ARAP2: variants seen among roughly 807,000 people sequenced by gnomAD.
ARAP2 encodes arf-GAP with Rho-GAP domain, ANK repeat and PH domain-containing protein 2.
In ARAP2, 148 loss-of-function variants were observed where a neutral mutation model predicts 194.5. That is an observed-to-expected ratio of 0.76 (90% CI 0.67 to 0.87). ARAP2 has a LOEUF of 0.87. Ranked by LOEUF, ARAP2 falls within the 40% of genes least tolerant of loss-of-function variation. The pLI is 0.00. For missense variants in ARAP2, 2,128 were observed against 1,989.7 expected, an observed-to-expected ratio of 1.07 and a Z score of -1.32; for synonymous variants, 695 against 683.5, an observed-to-expected ratio of 1.02 and a Z score of -0.26.
At chr4:36,018,830 T>C (rs906570108) in intron 6 of ARAP2, among the ~76,000 whole-genome samples, 3 of 152,094 alleles carry the variant, frequency 2.0e-5, no homozygotes, top group African/African-American at 7.2e-5. Context: ...CTCTGGAAAA[T>C]AATTGGTAGG....
Position 36,114,241 on chromosome 4 carries a change from G to A in ARAP2, c.4085C>T (p.Ala1362Val), listed in dbSNP as rs775209531. The change falls in exon 26 of 33, where the codon GCG becomes GTG. Residue 1362 changes from alanine to valine, a missense_variant. By Grantham distance (64) the Ala-to-Val change is moderately conservative. Coordinates refer to ENST00000303965, the MANE Select transcript of ARAP2 (RefSeq NM_015230.4). Reference sequence around the variant, plus strand: ...TTTTGTAGGAATAATATTTTTTATCGCTAATATATCATTAGTTAATTCTTC... The same window carrying A: ...TTTTGTAGGAATAATATTTTTTATCACTAATATATCATTAGTTAATTCTTC... ...EAEELTNDILAIKNIIPTKGD... is the reference protein window; with the variant it reads ...EAEELTNDILVIKNIIPTKGD... 9.4e-6 allele frequency: 15 copies of A among 1,599,258 alleles called. No homozygotes were observed. The highest frequency in any genetic ancestry group is 2.2e-5 in the East Asian group (1 of 44,486).
chr4:36,028,560 T>C (rs1567481), intron 5 of ARAP2, among the ~76,000 whole-genome samples: 11,247 of 151,922 alleles, frequency 0.074, 572 homozygotes, highest in Middle Eastern at 0.19. Context: ...TGTAAATTTG[T>C]ACTTTTTCAT....
chr4:36,118,039 A>G (rs1014431089), intron 24 of ARAP2, among the ~76,000 whole-genome samples: 1 of 151,480 alleles, frequency 6.6e-6, no homozygotes, highest in Non-Finnish European at 1.5e-5. Flanking sequence ...AATTCACCTC[A>G]GCATAAAATC....
chr4:36,145,242 A>G (rs942005229), intron 19 of ARAP2, among the ~76,000 whole-genome samples: 1 of 152,016 alleles, frequency 6.6e-6, no homozygotes, highest in African/African-American at 2.4e-5. Flanking sequence ...TGTTTATCAC[A>G]GCACTATTCA....
downstream of ARAP2, chr4:36,065,343 A>G (rs1323485742): frequency 1.9e-6 from 1 of 514,918 alleles, no homozygotes; most frequent in Non-Finnish European, 4.0e-6. Context: ...GCTGTAGTGG[A>G]TCTCAAAGTA....
At chr4:36,206,419 C>G (rs1163581051) in intron 6 of ARAP2, among the ~76,000 whole-genome samples, 1 of 152,208 alleles carries the variant, frequency 6.6e-6, no homozygotes, top group African/African-American at 2.4e-5. Flanking sequence ...TAAAATAACT[C>G]CAACCTCCAC....
intron 1 of ARAP2, among the ~76,000 whole-genome samples, chr4:36,241,814 T>A (rs1332701373): frequency 1.3e-5 from 2 of 152,168 alleles, no homozygotes; most frequent in Non-Finnish European, 2.9e-5. Flanking sequence ...CATGGAGAAG[T>A]GGCCCCATCA....
chr4:36,113,768 AAAAT>A (rs150542978), intron 26 of ARAP2, among the ~76,000 whole-genome samples: 513 of 152,130 alleles, frequency 3.4e-3, no homozygotes, highest in Non-Finnish European at 4.9e-3. Context: ...AGAAAAAAGA[AAAAT>A]AAAAAATGAA....
rs1469040186 is a variant in ARAP2, at chr4:36,147,797, C to G, written c.3001-51G>C. On this transcript the variant is annotated intron_variant, in intron 17 of 32. Transcript: ENST00000303965. Reference sequence around the variant, plus strand: ...ATAAAGACAGTGAAAATAGGAAATCCCTTCCCTATCTACTGATATGAGAGA... The same window carrying G: ...ATAAAGACAGTGAAAATAGGAAATCGCTTCCCTATCTACTGATATGAGAGA... 5 of 1,398,352 alleles carry G rather than the reference C, an allele frequency of 3.6e-6. No homozygotes were observed. In the East Asian group the frequency reaches 1.2e-4, roughly 33 times the overall value. The allele number at this position is 1,398,352 out of a possible 1,614,324, so 86.6% of individuals were successfully genotyped here.
At chr4:36,049,648 G>A (rs997999563) in intron 3 of ARAP2, among the ~76,000 whole-genome samples, 2 of 152,086 alleles carry the variant, frequency 1.3e-5, no homozygotes, top group Non-Finnish European at 2.9e-5. Flanking sequence ...TCATAGATTG[G>A]TATTCATCTC....
Position 36,165,096 on chromosome 4 carries a change from T to C in ARAP2, c.1991A>G (p.Glu664Gly), listed in dbSNP as rs1460323251. ...TTCAATCCAGTCTTGTTTCTCCTTT[T>C]CAGTCTCGGCTGTAAAGCTGAAACA... ...YRSFSFTAET[E>G]KEKQDWIEAV... The change falls in exon 11 of 33, where the codon GAA (glutamate) becomes GGA (glycine). Residue 664 changes from glutamate to glycine, a missense_variant. Physicochemically the swap from Glu to Gly is moderately conservative, Grantham distance 98. Coordinates refer to ENST00000303965, the MANE Select transcript of ARAP2 (RefSeq NM_015230.4). 1.9e-6 allele frequency: 3 copies of C among 1,614,066 alleles called. No homozygotes were observed. Among genetic ancestry groups the C allele is most frequent in the Non-Finnish European group, 8.5e-7 (1 of 1,179,912 alleles).
chr4:36,244,156 T>C (rs572074967), intron 1 of ARAP2, 23 bp downstream of exon 1: 3 of 151,912 alleles, frequency 2.0e-5, no homozygotes, highest in African/African-American at 7.2e-5. Flanking sequence ...CGGCCCAGCC[T>C]TCCCGAGGCC....
intron 11 of ARAP2, among the ~76,000 whole-genome samples, chr4:36,161,834 C>T (rs1296358125): frequency 6.8e-6 from 1 of 147,384 alleles, no homozygotes; most frequent in Admixed American, 6.8e-5. Context: ...CACGGCCTGG[C>T]GCGGTGGCTC....
At position 36,107,765 on chromosome 4, in the gene ARAP2, T is replaced by C. The variant is rs1287679933; in HGVS notation, c.4157-72A>G. 4 of 1,439,192 alleles carry C rather than the reference T, an allele frequency of 2.8e-6. No individual in the cohort carries two copies. In the Admixed American group the frequency reaches 9.0e-5, roughly 32 times the overall value. The allele number at this position is 1,439,192 out of a possible 1,614,324, so 89.2% of individuals were successfully genotyped here. On this transcript the variant is annotated intron_variant, in intron 26 of 32. Coordinates refer to ENST00000303965, the MANE Select transcript of ARAP2 (RefSeq NM_015230.4). ...CAATTTTTTATTTTATAATCATAAA[T>C]TTTAAAAAATCCATTTGAAAACATC...
intron 28 of ARAP2, among the ~76,000 whole-genome samples, chr4:36,085,990 G>C (rs982611588): frequency 1.3e-5 from 2 of 151,990 alleles, no homozygotes; most frequent in African/African-American, 4.8e-5. Flanking sequence ...CTAGTATGAG[G>C]TAGCTTTGTA....
rs971202609 is a variant in ARAP2 at position 36,066,719 on chromosome 4, A to C, written c.*1188T>G. The C allele has an allele frequency of 6.6e-6, 1 of 152,172 alleles. No individual in the cohort carries two copies. Among genetic ancestry groups the C allele is most frequent in the African/African-American group, 2.4e-5 (1 of 41,454 alleles). 9.4% of individuals were successfully genotyped at this position (152,172 alleles called of 1,614,324 possible). On this transcript the variant is annotated 3_prime_UTR_variant, in exon 33 of 33. Coordinates refer to ENST00000303965, the MANE Select transcript of ARAP2 (RefSeq NM_015230.4). The stretch of plus-strand genomic sequence containing the variant: ...AGGAAATTCACCAATTCAGTAGCTG[A>C]TCTTTATGTGGAAACAAAAATAGGG...
chr4:36,206,463 A>G (rs1196222442), intron 6 of ARAP2, among the ~76,000 whole-genome samples: 1 of 152,174 alleles, frequency 6.6e-6, no homozygotes, highest in African/African-American at 2.4e-5. Context: ...GTACATCTAG[A>G]TATCACCTCT....
chr4:36,192,333 A>G (rs987112519), intron 7 of ARAP2, among the ~76,000 whole-genome samples: 1 of 152,294 alleles, frequency 6.6e-6, no homozygotes, highest in South Asian at 2.1e-4. Flanking sequence ...ACCAAGCTGC[A>G]TCATTTTCAT....
At chr4:36,080,516 A>G (rs570978820) in intron 30 of ARAP2, among the ~76,000 whole-genome samples, 1 of 152,230 alleles carries the variant, frequency 6.6e-6, no homozygotes, top group Non-Finnish European at 1.5e-5. Context: ...AGCCTTTGGT[A>G]AGTGCTGCAA....
Sources: allele counts gnomAD v4.1 joint callset (sites outside exome capture counted in the v4.1 genomes callset), GRCh38; gene constraint gnomAD v4.1.1; transcripts MANE v1.5; gene names NCBI Gene and HGNC (gene_info 2026-07-23, HGNC 2026-07-21).